The following NTM variants were observed in gnomAD, a reference collection of about 807,000 sequenced individuals.
The protein encoded by NTM is neurotrimin.
A neutral mutation model predicts 42.1 loss-of-function variants in NTM; 13 were observed. The observed-to-expected ratio is 0.31, with a 90% confidence interval of 0.20 to 0.49. NTM has a LOEUF of 0.49. Among genes scored for constraint, NTM ranks in the 20% least tolerant of loss-of-function variants. NTM has a pLI of 0.99. For synonymous variants in NTM, 187 were observed against 179.2 expected, an observed-to-expected ratio of 1.04 and a Z score of -0.35; for missense variants, 373 against 452.8, an observed-to-expected ratio of 0.82 and a Z score of 1.60.
chr11:131,700,716 C>G (rs1381234277), intron 1 of NTM, among the ~76,000 whole-genome samples: 1 of 152,208 alleles, frequency 6.6e-6, no homozygotes, highest in East Asian at 1.9e-4. Flanking sequence ...AACCCTTATT[C>G]CCCTGAAACC....
At chr11:131,630,790 T>A (rs547587083) in intron 1 of NTM, among the ~76,000 whole-genome samples, 2 of 152,336 alleles carry the variant, frequency 1.3e-5, no homozygotes, top group South Asian at 4.1e-4. Flanking sequence ...GCTCCAGTCT[T>A]TTATTGAATA....
chr11:132,165,002 G>T (rs2075034869), intron 3 of NTM, among the ~76,000 whole-genome samples: 1 of 152,082 alleles, frequency 6.6e-6, no homozygotes, highest in Admixed American at 6.6e-5. Context: ...CCCCTCCCCT[G>T]TTGGCCTACA....
chr11:132,213,060 C>T (rs1035093741), intron 4 of NTM, among the ~76,000 whole-genome samples: 1 of 152,072 alleles, frequency 6.6e-6, no homozygotes. Context: ...GAGAAGGGCT[C>T]TGAAAAGAAG....
At chr11:131,735,704 G>T (rs368888516) in intron 1 of NTM, among the ~76,000 whole-genome samples, 6 of 152,252 alleles carry the variant, frequency 3.9e-5, no homozygotes, top group African/African-American at 1.4e-4. Flanking sequence ...GTGCTTCCAT[G>T]CCCCTTAGCT....
At chr11:132,027,674 G>T (rs879163279) in intron 2 of NTM, among the ~76,000 whole-genome samples, 3 of 152,082 alleles carry the variant, frequency 2.0e-5, no homozygotes, top group Admixed American at 2.0e-4. Context: ...TCTCAAGTTT[G>T]CCTGTCTTTG....
intron 1 of NTM, among the ~76,000 whole-genome samples, chr11:131,414,618 C>A (rs1591601875): frequency 6.6e-6 from 1 of 152,316 alleles, no homozygotes; most frequent in East Asian, 1.9e-4. Flanking sequence ...ATACCATGGT[C>A]TCCCATGCTC....
In NTM at chr11:131,741,232, C is replaced by A. The variant is rs559400195; in HGVS notation, c.83-170332C>A. 2.0e-5 allele frequency among the ~76,000 whole-genome samples: 3 copies of A among 150,904 alleles called. No individual in the cohort carries two copies. In the East Asian group the frequency reaches 5.9e-4, roughly 30 times the overall value. On this transcript the variant is annotated intron_variant, in intron 1 of 8. Transcript: ENST00000683400. ...GATGTTTTTTGGAGCCTGGGAGCAC[C>A]TCCAAATAGCCCAAGTCCAGGGGCG...
At chr11:132,320,047 A>T (rs201339844) in intron 7 of NTM, among the ~76,000 whole-genome samples, 1 of 152,248 alleles carries the variant, frequency 6.6e-6, no homozygotes, top group Non-Finnish European at 1.5e-5. Context: ...AGACCTGCAG[A>T]TGAGGGTCCT....
chr11:132,118,991 C>G (rs1045532325), intron 2 of NTM, among the ~76,000 whole-genome samples: 32 of 152,244 alleles, frequency 2.1e-4, no homozygotes, highest in South Asian at 4.2e-4. Context: ...GCCTCTCCCC[C>G]CAGCCTGCCA....
chr11:131,702,966 A>G (rs984782781), intron 1 of NTM, among the ~76,000 whole-genome samples: 1 of 152,244 alleles, frequency 6.6e-6, no homozygotes. Flanking sequence ...GAATATGACA[A>G]TCTGAGAAAT....
chr11:131,591,924 G>A (rs2059398458), intron 1 of NTM, among the ~76,000 whole-genome samples: 1 of 152,088 alleles, frequency 6.6e-6, no homozygotes, highest in African/African-American at 2.4e-5. Context: ...TTATGCTCTG[G>A]GTAAGAACTA....
At chr11:131,482,008 C>A (rs1953651441) in intron 1 of NTM, among the ~76,000 whole-genome samples, 1 of 152,074 alleles carries the variant, frequency 6.6e-6, no homozygotes, top group Non-Finnish European at 1.5e-5. Context: ...TTTCTTAAAC[C>A]ATGCTGCATA....
chr11:131,514,874 G>A (rs2048697709), intron 1 of NTM, among the ~76,000 whole-genome samples: 1 of 152,006 alleles, frequency 6.6e-6, no homozygotes, highest in African/African-American at 2.4e-5. Context: ...TTACAGGCAT[G>A]AGCCCCCATG....
chr11:131,867,020 T>C (rs1262516054), intron 1 of NTM, among the ~76,000 whole-genome samples: 1 of 152,182 alleles, frequency 6.6e-6, no homozygotes, highest in East Asian at 1.9e-4. Flanking sequence ...GGGCACTCCC[T>C]TTCCTTCTGG....
intron 1 of NTM, chr11:131,671,599 A>G (rs1279937716): frequency 2.0e-6 from 2 of 985,188 alleles, no homozygotes; most frequent in African/African-American, 3.5e-5. Flanking sequence ...GGCTGGGCAT[A>G]TCTGCGACTT....
At chr11:132,205,297 A>G (rs1247697017) in intron 3 of NTM, among the ~76,000 whole-genome samples, 1 of 152,216 alleles carries the variant, frequency 6.6e-6, no homozygotes, top group Non-Finnish European at 1.5e-5. Flanking sequence ...TTCATAAAGC[A>G]TCCTGATTTG....
At chr11:131,963,877 T>C (rs2062511328) in intron 2 of NTM, among the ~76,000 whole-genome samples, 2 of 152,234 alleles carry the variant, frequency 1.3e-5, no homozygotes, top group Non-Finnish European at 2.9e-5. Context: ...CTCATATTTA[T>C]GGATCAGAAA....
At chr11:131,712,867 G>A (rs1051304859) in intron 1 of NTM, among the ~76,000 whole-genome samples, 2 of 151,860 alleles carry the variant, frequency 1.3e-5, no homozygotes, top group East Asian at 3.9e-4. Flanking sequence ...CATGGTGCCC[G>A]GCCAAGACAA....
chr11:131,712,879 T>C (rs1472662468), intron 1 of NTM, among the ~76,000 whole-genome samples: 2 of 150,148 alleles, frequency 1.3e-5, no homozygotes, highest in Non-Finnish European at 3.0e-5. Flanking sequence ...CCAAGACAAG[T>C]GAAAACCAAG....
Sources: allele counts gnomAD v4.1 joint callset (sites outside exome capture counted in the v4.1 genomes callset), GRCh38; gene constraint gnomAD v4.1.1; transcripts MANE v1.5; gene names NCBI Gene and HGNC (gene_info 2026-07-23, HGNC 2026-07-21).